Variants in SH2D6 observed in about 807,000 individuals in gnomAD.
SH2D6 encodes SH2 domain containing 6.
A neutral mutation model predicts 30.2 loss-of-function variants in SH2D6; 31 were observed. That is an observed-to-expected ratio of 1.03 (90% confidence interval 0.77 to 1.38). The LOEUF (loss-of-function observed/expected upper bound fraction) is 1.38. Ranked by LOEUF, SH2D6 falls within the 40% of genes most tolerant of loss-of-function variation. The pLI, the probability that SH2D6 is intolerant of heterozygous loss-of-function variation, is 0.00. For synonymous variants in SH2D6, 93 were observed against 104.6 expected, an observed-to-expected ratio of 0.89 and a Z score of 0.68; for missense variants, 240 against 266.8, an observed-to-expected ratio of 0.90 and a Z score of 0.70.
intron 2 of SH2D6, chr2:85,421,657 T>G (rs1176383899): frequency 6.6e-6 from 1 of 152,134 alleles, no homozygotes; most frequent in Non-Finnish European, 1.5e-5. Flanking sequence ...AGTCTAGCTG[T>G]GAAATAAACC....
intron 22 of SH2D6, 34 bp downstream of exon 22, chr2:85,435,858 G>A: frequency 6.5e-7 from 1 of 1,545,892 alleles, no homozygotes; most frequent in Non-Finnish European, 8.7e-7. Context: ...CCTAAGGAGG[G>A]ACCACAGAGC....
chr2:85,424,489 C>T (rs1322655479), intron 5 of SH2D6, among the ~76,000 whole-genome samples: 1 of 152,160 alleles, frequency 6.6e-6, no homozygotes, highest in African/African-American at 2.4e-5. Flanking sequence ...GTAGGTCTCA[C>T]CTGTAATCCC....
intron 23 of SH2D6, 106 bp downstream of exon 23, chr2:85,436,700 A>G (rs1330177830): frequency 3.5e-6 from 3 of 851,882 alleles, no homozygotes; most frequent in Admixed American, 3.8e-5. Flanking sequence ...CCCAGTGCCC[A>G]CAAGCAGCAT....
At chr2:85,436,220 T>A (rs549547330) in intron 22 of SH2D6, among the ~76,000 whole-genome samples, 1 of 151,762 alleles carries the variant, frequency 6.6e-6, no homozygotes, top group African/African-American at 2.4e-5. Flanking sequence ...CACCCTAGAG[T>A]CAGTTTGATC....
In SH2D6 at chr2:85,420,086, G is replaced by A. The variant is rs1203618841; in HGVS notation, c.-577+842G>A. ...TCCCTGGACTCTTTAATAAGAGCCC[G>A]TTCTGTTTTGTTTGTTTGTTTGTTT... On this transcript the variant is annotated intron_variant, in intron 2 of 23. Transcript: ENST00000469800. Among the ~76,000 whole-genome samples the A allele has an allele frequency of 3.3e-5, 5 of 151,328 alleles. No individual in the cohort carries two copies. The East Asian group carries it at 5.8e-4, about 18-fold the overall frequency.
At chr2:85,426,287 A>G (rs528210500) in intron 6 of SH2D6, among the ~76,000 whole-genome samples, 10 of 152,222 alleles carry the variant, frequency 6.6e-5, no homozygotes, top group Admixed American at 6.5e-4. Flanking sequence ...TTTCTTCCAT[A>G]TGTAGGTTTT....
chr2:85,432,119 G>C (rs553828008), intron 14 of SH2D6, among the ~76,000 whole-genome samples, 160 bp downstream of exon 14: 2 of 152,176 alleles, frequency 1.3e-5, no homozygotes, highest in African/African-American at 2.4e-5. Flanking sequence ...CTCTAAGGTA[G>C]GCAGGCAGGT....
chr2:85,435,660 C>A lies in SH2D6; in HGVS notation c.733-6C>A. The stretch of plus-strand genomic sequence containing the variant: ...ATGAGGTTGATGGCTGGGGTCTCCT[C>A]CACAGGATGGGGCCTATACCGTGCG... On this transcript the variant is annotated splice_polypyrimidine_tract_variant and splice_region_variant and intron_variant, in intron 21 of 23. Coordinates refer to ENST00000469800, the MANE Select transcript of SH2D6 (RefSeq NM_001394463.1). 1 of 1,594,694 alleles carries A rather than the reference C, an allele frequency of 6.3e-7. No individual in the cohort carries two copies.
chr2:85,432,169 C>A (rs975984377), intron 14 of SH2D6, among the ~76,000 whole-genome samples: 1 of 151,538 alleles, frequency 6.6e-6, no homozygotes, highest in South Asian at 2.1e-4. Flanking sequence ...GACTGAGGCC[C>A]AGAGATATGA....
In SH2D6 at chr2:85,420,092, T is replaced by TTTTGTTTG. The variant is rs141668785; in HGVS notation, c.-577+868_-577+875dup. 1.8e-4 allele frequency among the ~76,000 whole-genome samples: 28 copies of TTTTGTTTG among 151,824 alleles called. No homozygotes were observed. The Middle Eastern group carries it at 0.01, about 55-fold the overall frequency. ...GACTCTTTAATAAGAGCCCGTTCTG[T>TTTTGTTTG]TTTGTTTGTTTGTTTGTTTGTTTGT... is the stretch of plus-strand genomic sequence containing the variant. On this transcript the variant is annotated intron_variant, in intron 2 of 23. Transcript: ENST00000469800.
chr2:85,436,553 A>G lies in SH2D6; in HGVS notation c.979A>G (p.Thr327Ala). 4 of 1,613,238 alleles carry G rather than the reference A, an allele frequency of 2.5e-6. No homozygotes were observed. The highest frequency in any genetic ancestry group is 3.4e-6 in the Non-Finnish European group (4 of 1,179,904). ...VDRHSGSREL[T>A]CLLFPTKP ...CAGACACAGCGGCAGCCGGGAACTC[A>G]CCTGCCTGCTCTTCCCCACCAAGCC... Residue 327 changes from threonine (T) to alanine (A), a missense_variant, in exon 23 of 24, where the codon ACC (threonine) becomes GCC (alanine). Thr to Ala is a moderately conservative substitution (Grantham distance 58, BLOSUM62 0). Transcript: ENST00000469800.
rs554436142 is a variant in SH2D6 at position 85,432,695 on chromosome 2, C to T, written c.371-404C>T. Reference sequence around the variant, plus strand: ...GATTACAGGCGTGAGCCACCGCGCCCGGCCGAATTTTTGTATTTTTAGTAG... The same window carrying T: ...GATTACAGGCGTGAGCCACCGCGCCTGGCCGAATTTTTGTATTTTTAGTAG... On this transcript the variant is annotated intron_variant, in intron 14 of 23. Coordinates refer to ENST00000469800, the MANE Select transcript of SH2D6 (RefSeq NM_001394463.1). 2.7e-3 allele frequency among the ~76,000 whole-genome samples: 414 copies of T among 152,300 alleles called. 1 individual carries two copies. Among genetic ancestry groups the T allele is most frequent in the Non-Finnish European group, 3.9e-3 (268 of 68,016 alleles).
rs895280625 is a variant in SH2D6, at chr2:85,419,012, C to T, written c.-792-17C>T. 2 of 152,514 alleles carry T rather than the reference C, an allele frequency of 1.3e-5. No homozygotes were observed. Among genetic ancestry groups the T allele is most frequent in the African/African-American group, 4.8e-5 (2 of 41,472 alleles). 9.4% of individuals were successfully genotyped at this position (152,514 alleles called of 1,614,324 possible). ...AGCAGGCAGAGTGGCCTCCTGAACC[C>T]TTCCTCCATCGCCTAGAGCAAACTC... On this transcript the variant is annotated splice_polypyrimidine_tract_variant and intron_variant, in intron 1 of 23. Transcript: ENST00000469800.
rs1376361065 is a variant in SH2D6 at position 85,418,916 on chromosome 2, T to A, written c.-807T>A. 6.6e-6 allele frequency: 1 copy of A among 150,792 alleles called. No individual in the cohort carries two copies. Among genetic ancestry groups the A allele is most frequent in the African/African-American group, 2.4e-5 (1 of 41,166 alleles). 9.3% of individuals were successfully genotyped at this position (150,792 alleles called of 1,614,324 possible). The stretch of plus-strand genomic sequence containing the variant: ...TTCTCTGCGAACCTGAGCCCCGCCC[T>A]GCCCTCCCTACGAGGTTGGGGCCGT... On this transcript the variant is annotated 5_prime_UTR_variant, in exon 1 of 24. Coordinates refer to ENST00000469800, the MANE Select transcript of SH2D6 (RefSeq NM_001394463.1).
chr2:85,433,945 C>G, intron 16 of SH2D6, 88 bp from the exon 17 acceptor site: 1 of 1,115,976 alleles, frequency 9.0e-7, no homozygotes, highest in Non-Finnish European at 1.3e-6. Context: ...AAGCAGCAGG[C>G]CCTGCAGCTG....
At chr2:85,433,059 C>G in intron 14 of SH2D6, 40 bp from the exon 15 acceptor site, 1 of 985,954 alleles carries the variant, frequency 1.0e-6, no homozygotes, top group Non-Finnish European at 1.2e-6. Flanking sequence ...TTTCTGCTCC[C>G]TGCCGTGCAT....
At position 85,435,595 on chromosome 2, in the gene SH2D6, G is replaced by A. The variant is rs562003663; in HGVS notation, c.733-71G>A. 1.1e-3 allele frequency: 1,782 copies of A among 1,581,780 alleles called. 2 individuals are homozygous for A. The highest frequency in any genetic ancestry group is 1.5e-3 in the Middle Eastern group (9 of 5,822). On this transcript the variant is annotated intron_variant, in intron 21 of 23. Transcript: ENST00000469800. ...GAGCAGGAGGGCCAGGAGGGTTCTG[G>A]CCCCATCATGGGTCAGGGCAGTGGG...
chr2:85,426,040 A>C, intron 6 of SH2D6, among the ~76,000 whole-genome samples: 1 of 152,204 alleles, frequency 6.6e-6, no homozygotes, highest in East Asian at 1.9e-4. Flanking sequence ...AAAGGATGGC[A>C]GATGTCCCCT....
At chr2:85,423,681 C>G (rs578029931) in intron 5 of SH2D6, among the ~76,000 whole-genome samples, 2 of 152,362 alleles carry the variant, frequency 1.3e-5, no homozygotes, top group African/African-American at 4.8e-5. Context: ...GTCCCTCGCT[C>G]TGTCAGCCCT....
Sources: allele counts gnomAD v4.1 joint callset (sites outside exome capture counted in the v4.1 genomes callset), GRCh38; gene constraint gnomAD v4.1.1; transcripts MANE v1.5; gene names NCBI Gene and HGNC (gene_info 2026-07-23, HGNC 2026-07-21).